The following ZFPM2 variants were observed in gnomAD, a reference collection of about 807,000 sequenced individuals.
ZFPM2 encodes zinc finger protein, FOG family member 2, also known as zinc finger protein ZFPM2.
Under a neutral mutation model 98.6 loss-of-function variants are expected in ZFPM2, and 20 were observed. The ratio of observed to expected loss-of-function variants is 0.20; its 90% CI spans 0.14 to 0.29. ZFPM2 has a LOEUF of 0.29. ZFPM2 is among the 10% of genes least tolerant of loss of function. The pLI, the probability that ZFPM2 is intolerant of heterozygous loss-of-function variation, is 1.00. For missense variants in ZFPM2, 1,310 were observed against 1,388.6 expected (o/e 0.94, Z 0.90); for synonymous variants, 518 against 502.7 (o/e 1.03, Z -0.41).
intron 5 of ZFPM2, chr8:105,737,257 T>C (rs1032985537): frequency 1.3e-5 from 2 of 152,366 alleles, no homozygotes; most frequent in Non-Finnish European, 2.9e-5. Context: ...TGATCCTTTA[T>C]TGAAATATTT....
chr8:105,627,124 C>T (rs1025599253), intron 4 of ZFPM2, among the ~76,000 whole-genome samples: 1 of 152,102 alleles, frequency 6.6e-6, no homozygotes, highest in Admixed American at 6.6e-5. Context: ...TTTGGGCTGT[C>T]GACTTTTATC....
chr8:105,734,533 G>T (rs1461048513), intron 5 of ZFPM2, among the ~76,000 whole-genome samples: 3 of 151,900 alleles, frequency 2.0e-5, no homozygotes, highest in Non-Finnish European at 2.9e-5. Flanking sequence ...CCTCCATTTT[G>T]TCGGCTGCAT....
chr8:105,803,039 G>T lies in ZFPM2; in HGVS notation c.2957G>T (p.Gly986Val). The change falls in exon 8 of 8, where the codon GGA becomes GTA. Residue 986 changes from glycine (G) to valine (V), a missense_variant. By Grantham distance (109) the Gly-to-Val change is moderately radical (BLOSUM62 -3). Coordinates refer to ENST00000407775, the MANE Select transcript of ZFPM2 (RefSeq NM_012082.4). ...GCCGACCAGCTTTCTCCATATTATGGAATCAAGCCAAGTGATTATATTTCT... is the reference window on the plus strand; with the variant it reads ...GCCGACCAGCTTTCTCCATATTATGTAATCAAGCCAAGTGATTATATTTCT... ...KGADQLSPYYGIKPSDYISGS... is the reference protein window; with the variant it reads ...KGADQLSPYYVIKPSDYISGS... The T allele has an allele frequency of 2.5e-6, 4 of 1,613,444 alleles. No homozygotes were observed. In the South Asian group the frequency reaches 4.4e-5, roughly 18 times the overall value.
intron 5 of ZFPM2, among the ~76,000 whole-genome samples, chr8:105,750,160 T>C (rs373914910): frequency 6.6e-6 from 1 of 152,076 alleles, no homozygotes; most frequent in East Asian, 1.9e-4. Context: ...CAGACTGAAT[T>C]ACCTACATTT....
intron 5 of ZFPM2, among the ~76,000 whole-genome samples, chr8:105,742,652 G>A (rs921977752): frequency 2.6e-5 from 4 of 151,996 alleles, no homozygotes; most frequent in African/African-American, 9.7e-5. Flanking sequence ...AGCATTTTAG[G>A]AGGCTGAGTT....
chr8:105,509,258 T>G (rs1691853188), intron 3 of ZFPM2, among the ~76,000 whole-genome samples: 1 of 152,142 alleles, frequency 6.6e-6, no homozygotes, highest in Non-Finnish European at 1.5e-5. Flanking sequence ...GTTTTACAGG[T>G]TGACAGCAGG....
intron 3 of ZFPM2, among the ~76,000 whole-genome samples, chr8:105,467,715 A>G (rs968708111): frequency 2.6e-5 from 4 of 152,114 alleles, no homozygotes; most frequent in African/African-American, 9.7e-5. Context: ...GAAGAAAATA[A>G]AAAGTGATTA....
intron 3 of ZFPM2, among the ~76,000 whole-genome samples, chr8:105,550,635 A>C (rs1312975476): frequency 2.0e-5 from 3 of 152,210 alleles, no homozygotes; most frequent in Non-Finnish European, 4.4e-5. Context: ...AAGTGATGAA[A>C]TGTATTAGAG....
intron 3 of ZFPM2, among the ~76,000 whole-genome samples, chr8:105,547,079 A>G (rs577081514): frequency 2.0e-5 from 3 of 152,256 alleles, no homozygotes; most frequent in Admixed American, 2.0e-4. Flanking sequence ...ATAAATTGAA[A>G]GTAAGGTGCT....
intron 5 of ZFPM2, among the ~76,000 whole-genome samples, chr8:105,642,525 CAA>C (rs1387565031): frequency 2.0e-5 from 3 of 152,158 alleles, no homozygotes; most frequent in Admixed American, 6.6e-5. Context: ...GCCTTATCCA[CAA>C]AGTGTCCTTC....
intron 5 of ZFPM2, among the ~76,000 whole-genome samples, chr8:105,759,147 C>A (rs1726096271): frequency 6.6e-6 from 1 of 152,042 alleles, no homozygotes. Context: ...CTAATCGTGG[C>A]AGTTATCTGT....
At chr8:105,507,417 T>C (rs1378670755) in intron 3 of ZFPM2, among the ~76,000 whole-genome samples, 1 of 152,202 alleles carries the variant, frequency 6.6e-6, no homozygotes, top group African/African-American at 2.4e-5. Flanking sequence ...GGTGTTTGGT[T>C]CTATGTCTAG....
chr8:105,481,111 G>T (rs2130385014), intron 3 of ZFPM2, among the ~76,000 whole-genome samples: 1 of 152,190 alleles, frequency 6.6e-6, no homozygotes, highest in East Asian at 1.9e-4. Flanking sequence ...AGTAAAAGTG[G>T]TTTAGTGCGG....
At chr8:105,547,835 T>C (rs916637276) in intron 3 of ZFPM2, among the ~76,000 whole-genome samples, 4 of 152,156 alleles carry the variant, frequency 2.6e-5, no homozygotes, top group African/African-American at 9.7e-5. Flanking sequence ...ATATTATTTA[T>C]TAAAGTTTTT....
chr8:105,390,464 T>C (rs1811085696), intron 1 of ZFPM2, among the ~76,000 whole-genome samples: 1 of 152,224 alleles, frequency 6.6e-6, no homozygotes, highest in South Asian at 2.1e-4. Flanking sequence ...TGCATCATTC[T>C]GGGTGTGCTC....
chr8:105,461,038 C>G (rs927337356), intron 3 of ZFPM2, among the ~76,000 whole-genome samples: 2 of 151,804 alleles, frequency 1.3e-5, no homozygotes, highest in Admixed American at 6.6e-5. Flanking sequence ...ATAAAAAAAT[C>G]ATAATTACCA....
intron 1 of ZFPM2, among the ~76,000 whole-genome samples, chr8:105,346,646 T>G (rs1254674290): frequency 6.6e-6 from 1 of 152,194 alleles, no homozygotes; most frequent in African/African-American, 2.4e-5. Flanking sequence ...TTATAAGCAT[T>G]TAACTTAATT....
intron 3 of ZFPM2, among the ~76,000 whole-genome samples, chr8:105,521,408 A>AG (rs869126404): frequency 3.9e-5 from 1 of 25,778 alleles, no homozygotes; most frequent in Non-Finnish European, 6.1e-5. Context: ...TTAAGGGGGG[A>AG]GGGGGGGAGG....
intron 1 of ZFPM2, among the ~76,000 whole-genome samples, chr8:105,370,973 C>T (rs771239513): frequency 1.3e-5 from 2 of 152,134 alleles, no homozygotes; most frequent in Non-Finnish European, 2.9e-5. Context: ...TGCTGTAATT[C>T]GTTGCTAGAC....
Sources: gnomAD v4.1 joint callset for allele counts (sites outside exome capture counted in the v4.1 genomes callset) on GRCh38, gnomAD v4.1.1 for gene constraint, MANE v1.5 for transcripts, NCBI Gene and HGNC (gene_info 2026-07-23, HGNC 2026-07-21) for gene names.